Variants in RAI14 observed in about 807,000 individuals in gnomAD.
The protein encoded by RAI14 is ankycorbin.
In RAI14, 45 loss-of-function variants were observed where a neutral mutation model predicts 115.4. The observed-to-expected ratio is 0.39, with a 90% CI of 0.31 to 0.50. The LOEUF is 0.50. RAI14 is among the 20% of genes least tolerant of loss of function. The pLI is 0.85. For missense variants in RAI14, 939 were observed against 1,131.2 expected, an observed-to-expected ratio of 0.83 and a Z score of 2.44; for synonymous variants, 371 against 415.4, an observed-to-expected ratio of 0.89 and a Z score of 1.30.
At position 34,823,603 on chromosome 5, in the gene RAI14, T is replaced by G. The variant is rs923551051; in HGVS notation, c.1761T>G (p.Ile587Met). 1.9e-6 allele frequency: 3 copies of G among 1,614,120 alleles called. No individual in the cohort carries two copies. The highest frequency in any genetic ancestry group is 2.5e-6 in the Non-Finnish European group (3 of 1,180,034). ...EEMKSSYCSV[I>M]ENMNKEKAFL... ...TGAAAAGTTCATATTGCTCTGTTAT[T>G]GAGAATATGAATAAGGAGAAAGCAT... is the stretch of plus-strand genomic sequence containing the variant. The change falls in exon 15 of 18, where the codon ATT becomes ATG. Residue 587 changes from isoleucine to methionine, a missense_variant. Ile to Met is a conservative substitution (Grantham distance 10, BLOSUM62 1). Transcript: ENST00000265109. The surrounding 1 kb of genome is among the most constrained non-coding windows in gnomAD (Gnocchi z 4.5).
intron 3 of RAI14, 24 bp downstream of exon 3, chr5:34,757,622 G>A: frequency 1.9e-6 from 3 of 1,584,926 alleles, no homozygotes; most frequent in Non-Finnish European, 2.6e-6. Context: ...CTGGTTTGCA[G>A]ATATGCTGGT....
chr5:34,797,441 G>T (rs185763481), intron 4 of RAI14, among the ~76,000 whole-genome samples: 2 of 150,734 alleles, frequency 1.3e-5, no homozygotes, highest in East Asian at 1.9e-4. Context: ...TGAGAATAGG[G>T]TTTTTTTTTA....
rs753185769 is a variant in RAI14 at position 34,823,004 on chromosome 5, C to A, written c.1162C>A (p.His388Asn). ...AEADLSFDSY[H>N]STQTDLGPSL... ...AGCAGACCTAAGCTTTGACTCATAC[C>A]ATTCCACCCAAACTGACTTGGGCCC... is the stretch of plus-strand genomic sequence containing the variant. Residue 388 changes from histidine (H) to asparagine (N), a missense_variant, in exon 15 of 18, where the codon CAT becomes AAT. Coordinates refer to ENST00000265109, the MANE Select transcript of RAI14 (RefSeq NM_015577.3). This position sits in a 1 kb window ranked among gnomAD's most constrained non-coding sequence, Gnocchi z 4.5. The A allele has an allele frequency of 3.7e-6, 6 of 1,613,862 alleles. No individual in the cohort carries two copies. The South Asian group carries it at 6.6e-5, about 18-fold the overall frequency.
At chr5:34,752,091 G>A (rs529769738) in intron 2 of RAI14, among the ~76,000 whole-genome samples, 5 of 152,230 alleles carry the variant, frequency 3.3e-5, no homozygotes, top group East Asian at 1.9e-4. Context: ...GAGACATCGC[G>A]TTCACCCTGA....
chr5:34,812,101 G>A (rs1755670657), intron 9 of RAI14, 79 bp from the exon 10 acceptor site: 1 of 1,348,834 alleles, frequency 7.4e-7, no homozygotes, highest in Non-Finnish European at 1.0e-6. Context: ...TATGGTGTAT[G>A]TGTGTGTATC....
intron 3 of RAI14, among the ~76,000 whole-genome samples, chr5:34,767,982 C>T (rs932752653): frequency 2.0e-5 from 3 of 151,108 alleles, no homozygotes; most frequent in African/African-American, 7.3e-5. Context: ...CCTAATGGAG[C>T]TGTGAGAAGA....
intron 2 of RAI14, among the ~76,000 whole-genome samples, chr5:34,736,833 T>C (rs1179589698): frequency 6.6e-6 from 1 of 152,248 alleles, no homozygotes; most frequent in East Asian, 1.9e-4. Flanking sequence ...CTGTCTATAA[T>C]GTGCAGAATT....
intron 2 of RAI14, among the ~76,000 whole-genome samples, chr5:34,747,515 A>G (rs1309179260): frequency 1.3e-5 from 2 of 152,232 alleles, no homozygotes; most frequent in African/African-American, 2.4e-5. Context: ...CACATAGTAC[A>G]TAAGATAAAC....
chr5:34,805,209 C>G (rs1453369247), intron 5 of RAI14, among the ~76,000 whole-genome samples: 1 of 152,094 alleles, frequency 6.6e-6, no homozygotes, highest in African/African-American at 2.4e-5. Context: ...CCTCTCACTG[C>G]CAAACCATTC....
chr5:34,705,352 G>A (rs1029856518), intron 2 of RAI14, among the ~76,000 whole-genome samples: 1 of 151,922 alleles, frequency 6.6e-6, no homozygotes, highest in African/African-American at 2.4e-5. Flanking sequence ...GTGATTTCAT[G>A]CTGAAATCAT....
At chr5:34,813,948 G>A (rs1755888296) in intron 11 of RAI14, among the ~76,000 whole-genome samples, 1 of 152,114 alleles carries the variant, frequency 6.6e-6, no homozygotes, top group African/African-American at 2.4e-5. Flanking sequence ...TTTCCCTTAA[G>A]ATAAGTTCAA....
chr5:34,825,579 C>A (rs974862725), intron 15 of RAI14, among the ~76,000 whole-genome samples: 1 of 152,008 alleles, frequency 6.6e-6, no homozygotes, highest in African/African-American at 2.4e-5. Context: ...CCTCCTTTGA[C>A]AGGTATATAG....
intron 1 of RAI14, among the ~76,000 whole-genome samples, chr5:34,663,810 G>A (rs448182): frequency 0.36 from 55,505 of 152,092 alleles, 11,609 homozygotes; most frequent in South Asian, 0.64. Context: ...GTGCGAAGTC[G>A]AAGTTCAGAA....
At position 34,810,977 on chromosome 5, in the gene RAI14, C is replaced by T. The variant is rs745978348; in HGVS notation, c.451-35C>T. On this transcript the variant is annotated intron_variant, in intron 7 of 17. Transcript: ENST00000265109. ...CTTTTGCAATTCTGGCATTTTGTGC[C>T]TGAGGTAAAATCTAAATCTGAATTT... 13 of 1,607,938 alleles carry T rather than the reference C, an allele frequency of 8.1e-6. No homozygotes were observed. The Admixed American group carries it at 2.0e-4, about 25-fold the overall frequency.
chr5:34,669,351 G>T (rs1252359343), intron 1 of RAI14, among the ~76,000 whole-genome samples: 1 of 152,182 alleles, frequency 6.6e-6, no homozygotes, highest in Non-Finnish European at 1.5e-5. Context: ...TACTGTTTGT[G>T]CCTTGTTTGG....
chr5:34,721,961 G>A (rs1742813667), intron 2 of RAI14, among the ~76,000 whole-genome samples: 1 of 152,028 alleles, frequency 6.6e-6, no homozygotes, highest in African/African-American at 2.4e-5. Context: ...CACCCACCTC[G>A]GCCTCCCAGA....
Position 34,823,401 on chromosome 5 carries a change from C to T in RAI14, c.1559C>T (p.Ser520Leu). Residue 520 changes from serine to leucine, a missense_variant, in exon 15 of 18, where the codon TCA (serine) becomes TTA (leucine). Physicochemically the swap from Ser to Leu is moderately radical, Grantham distance 145 (BLOSUM62 -2). Transcript: ENST00000265109. This position sits in a 1 kb window ranked among gnomAD's most constrained non-coding sequence, Gnocchi z 4.5. ...LVSPESMDNY[S>L]HFHELRVTEE... Reference sequence around the variant, plus strand: ...TCACCTGAAAGCATGGATAATTATTCACATTTCCACGAGCTGAGGGTCACG... The same window carrying T: ...TCACCTGAAAGCATGGATAATTATTTACATTTCCACGAGCTGAGGGTCACG... 1.2e-6 allele frequency: 2 copies of T among 1,614,062 alleles called. No individual in the cohort carries two copies. Among genetic ancestry groups the T allele is most frequent in the East Asian group, 4.5e-5 (2 of 44,868 alleles).
intron 7 of RAI14, among the ~76,000 whole-genome samples, chr5:34,808,932 G>A (rs930388186): frequency 6.6e-6 from 1 of 152,130 alleles, no homozygotes; most frequent in Non-Finnish European, 1.5e-5. Flanking sequence ...ATCCAGTACT[G>A]CTGCTGATCT....
chr5:34,803,974 A>G (rs981266967), intron 5 of RAI14, among the ~76,000 whole-genome samples, 198 bp downstream of exon 5: 2 of 152,220 alleles, frequency 1.3e-5, no homozygotes, highest in African/African-American at 4.8e-5. Context: ...CTGGCAGAGA[A>G]GAGGATCTAA....
Sources: gnomAD v4.1 joint callset for allele counts (sites outside exome capture counted in the v4.1 genomes callset) on GRCh38, gnomAD v4.1.1 for gene constraint, Gnocchi (gnomAD v3.1) non-coding constraint, MANE v1.5 for transcripts, NCBI Gene and HGNC (gene_info 2026-07-23, HGNC 2026-07-21) for gene names.